The following IFT80 variants were observed in gnomAD, a reference collection of about 807,000 sequenced individuals.
IFT80 encodes the protein intraflagellar transport protein 80 homolog.
A neutral mutation model predicts 107.9 loss-of-function variants in IFT80; 79 were observed. That is an observed-to-expected ratio of 0.73 (90% confidence interval 0.61 to 0.88). IFT80 has a LOEUF of 0.88. IFT80 is among the 40% of genes least tolerant of loss of function. The probability of loss-of-function intolerance (pLI) is 0.00; values close to 1 mark genes in which losing one functional copy is unlikely to be tolerated. For missense variants in IFT80, 797 were observed against 914.2 expected (o/e 0.87, Z 1.65); for synonymous variants, 299 against 300.9 (o/e 0.99, Z 0.07).
At chr3:160,392,741 T>C (rs1713481143) in intron 1 of IFT80, among the ~76,000 whole-genome samples, 2 of 152,196 alleles carry the variant, frequency 1.3e-5, no homozygotes, top group Non-Finnish European at 1.5e-5. Flanking sequence ...CACTCTACAA[T>C]GTATGCTCAC....
chr3:160,281,029 T>C (rs1037995917), intron 14 of IFT80, among the ~76,000 whole-genome samples: 2 of 152,204 alleles, frequency 1.3e-5, no homozygotes, highest in African/African-American at 4.8e-5. Flanking sequence ...ATATTTTTAA[T>C]CTGTAAATCT....
intron 5 of IFT80, among the ~76,000 whole-genome samples, chr3:160,371,008 T>G (rs1226238336): frequency 2.0e-5 from 3 of 152,204 alleles, no homozygotes; most frequent in Non-Finnish European, 4.4e-5. Flanking sequence ...TGGCATTATC[T>G]TTACTTTCCT....
At chr3:160,304,402 T>C (rs1436913673) in intron 10 of IFT80, among the ~76,000 whole-genome samples, 3 of 151,818 alleles carry the variant, frequency 2.0e-5, no homozygotes, top group Non-Finnish European at 4.4e-5. Context: ...ATTAGAAATA[T>C]GGTTTCACCA....
intron 6 of IFT80, among the ~76,000 whole-genome samples, chr3:160,361,957 A>C (rs887958198): frequency 1.3e-4 from 20 of 152,352 alleles, no homozygotes; most frequent in African/African-American, 4.8e-4. Flanking sequence ...TAACATCACA[A>C]TTAAAAGAAC....
At chr3:160,326,320 TTCTATGAGG>T (rs1718672930) in intron 8 of IFT80, among the ~76,000 whole-genome samples, 1 of 152,090 alleles carries the variant, frequency 6.6e-6, no homozygotes. Context: ...CCCTAACTCA[TTCTATGAGG>T]TCTGCATCAT....
chr3:160,353,974 A>G (rs1720887729), intron 8 of IFT80, among the ~76,000 whole-genome samples: 1 of 152,194 alleles, frequency 6.6e-6, no homozygotes, highest in Non-Finnish European at 1.5e-5. Flanking sequence ...CAAAATGACA[A>G]AATAAAATTA....
At chr3:160,304,344 C>G (rs192488148) in intron 10 of IFT80, among the ~76,000 whole-genome samples, 1 of 152,108 alleles carries the variant, frequency 6.6e-6, no homozygotes, top group Non-Finnish European at 1.5e-5. Context: ...AAAACAGTAG[C>G]AGCATGGCAT....
At chr3:160,325,653 T>G (rs1358398796) in intron 8 of IFT80, among the ~76,000 whole-genome samples, 2 of 152,056 alleles carry the variant, frequency 1.3e-5, no homozygotes, top group Non-Finnish European at 2.9e-5. Context: ...TTTTGAAATA[T>G]TTGCATATAC....
intron 9 of IFT80, among the ~76,000 whole-genome samples, chr3:160,315,531 A>G (rs1717755440): frequency 6.6e-6 from 1 of 152,184 alleles, no homozygotes; most frequent in African/African-American, 2.4e-5. Context: ...TGCATGACTC[A>G]GTTCTCAAGC....
chr3:160,393,833 A>C (rs1346037021), intron 1 of IFT80, among the ~76,000 whole-genome samples: 1 of 152,222 alleles, frequency 6.6e-6, no homozygotes, highest in African/African-American at 2.4e-5. Context: ...AGTAGTGAAC[A>C]AGAATGTGAA....
At chr3:160,330,382 A>C (rs1388589102) in intron 8 of IFT80, among the ~76,000 whole-genome samples, 1 of 152,182 alleles carries the variant, frequency 6.6e-6, no homozygotes, top group Non-Finnish European at 1.5e-5. Flanking sequence ...CTCGTCTGCT[A>C]ACTATTAACA....
intron 12 of IFT80, 118 bp downstream of exon 12, chr3:160,300,765 A>C (rs998875577): frequency 1.3e-6 from 1 of 780,384 alleles, no homozygotes; most frequent in Non-Finnish European, 2.0e-6. Flanking sequence ...AAAGCTCATA[A>C]TTCTTTTTCT....
intron 7 of IFT80, among the ~76,000 whole-genome samples, chr3:160,356,543 C>T (rs1009535699): frequency 5.9e-5 from 9 of 152,100 alleles, no homozygotes; most frequent in Non-Finnish European, 1.3e-4. Context: ...ATTTTAGAGA[C>T]AGGGTCTCAC....
At chr3:160,289,732 A>G (rs1018854536) in intron 12 of IFT80, among the ~76,000 whole-genome samples, 1 of 152,198 alleles carries the variant, frequency 6.6e-6, no homozygotes, top group African/African-American at 2.4e-5. Flanking sequence ...ACCTTCAATT[A>G]CCTGGAGCAA....
At chr3:160,322,003 GTTAT>G (rs145027648) in intron 8 of IFT80, among the ~76,000 whole-genome samples, 18,617 of 146,414 alleles carry the variant, frequency 0.13, 1,770 homozygotes, top group African/African-American at 0.27. Flanking sequence ...TTGTCAGCTT[GTTAT>G]TTATTTATTT....
At chr3:160,370,085 G>A (rs1021409353) in intron 5 of IFT80, among the ~76,000 whole-genome samples, 17 of 152,110 alleles carry the variant, frequency 1.1e-4, no homozygotes, top group Non-Finnish European at 2.4e-4. Flanking sequence ...TTTTAAGGAA[G>A]TACATGGTCA....
chr3:160,294,376 A>C (rs1003842693), intron 12 of IFT80, among the ~76,000 whole-genome samples: 15 of 152,092 alleles, frequency 9.9e-5, no homozygotes, highest in Non-Finnish European at 1.8e-4. Context: ...GCGTGCCACT[A>C]TGCCTGCCTA....
At chr3:160,344,383 A>G (rs1289690385) in intron 8 of IFT80, among the ~76,000 whole-genome samples, 1 of 152,156 alleles carries the variant, frequency 6.6e-6, no homozygotes, top group Admixed American at 6.6e-5. Flanking sequence ...GGAAGACAGG[A>G]TATCTATATA....
intron 15 of IFT80, 78 bp from the exon 16 acceptor site, chr3:160,279,442 T>C (rs1714519690): frequency 8.5e-7 from 1 of 1,182,554 alleles, no homozygotes; most frequent in Non-Finnish European, 1.2e-6. Context: ...ATTTGGGGAG[T>C]GGACCGTGAA....
Sources: gnomAD v4.1 joint callset for allele counts (sites outside exome capture counted in the v4.1 genomes callset) on GRCh38, gnomAD v4.1.1 for gene constraint, MANE v1.5 for transcripts, NCBI Gene and HGNC (gene_info 2026-07-23, HGNC 2026-07-21) for gene names.